The following SHF variants were observed in gnomAD, a reference collection of about 807,000 sequenced individuals.
The protein encoded by SHF is Src homology 2 domain containing F.
SHF carries 30 observed loss-of-function variants against 42.4 expected under a neutral mutation model. The observed-to-expected ratio is 0.71, with a 90% CI of 0.53 to 0.96. The LOEUF (loss-of-function observed/expected upper bound fraction) is 0.96, where lower values mean the gene tolerates loss of function less well. SHF is among the 40% of genes least tolerant of loss of function. The pLI, the probability that SHF is intolerant of heterozygous loss-of-function variation, is 0.00. For missense variants in SHF, 598 were observed against 634.0 expected (o/e 0.94, Z 0.61); for synonymous variants, 264 against 269.9 (o/e 0.98, Z 0.21).
intron 6 of SHF, chr15:45,170,486 GA>G: frequency 2.4e-6 from 3 of 1,248,768 alleles, no homozygotes; most frequent in Non-Finnish European, 1.0e-6. Context: ...ATGACAGCTG[GA>G]AAAAAAGCGA....
upstream of SHF, chr15:45,188,018 GGGGCGGGGCTCCGCC>G (rs1374933936): frequency 2.1e-5 from 7 of 326,250 alleles, no homozygotes; most frequent in Non-Finnish European, 3.1e-5. Flanking sequence ...GGTGGGGAGG[GGGGCGGGGCTCCGCC>G]GGGCGGGGAG....
chr15:45,178,534 C>CTTTTTTT (rs3067019), intron 1 of SHF, among the ~76,000 whole-genome samples: 1 of 126,604 alleles, frequency 7.9e-6, no homozygotes, highest in Non-Finnish European at 1.6e-5. Context: ...TTCCTTCTTT[C>CTTTTTTT]TTTTTTTTTT....
intron 1 of SHF, 25 bp from the exon 2 acceptor site, chr15:45,178,331 G>T (rs1164641877): frequency 6.2e-7 from 1 of 1,604,470 alleles, no homozygotes; most frequent in South Asian, 1.1e-5. Context: ...TGAAGAGAGT[G>T]GGCTTCAGGG....
At chr15:45,172,072 G>A (rs1479959261) in intron 5 of SHF, 70 bp from the exon 6 acceptor site, 46 of 1,613,788 alleles carry the variant, frequency 2.9e-5, no homozygotes, top group Non-Finnish European at 3.8e-5. Context: ...CCCATTGTGG[G>A]TGTCCCCTGT....
rs750863023 is a variant in SHF at position 45,198,804 on chromosome 15, T to C, written c.271A>G (p.Ile91Val). 5 of 1,613,736 alleles carry C rather than the reference T, an allele frequency of 3.1e-6. No individual in the cohort carries two copies. The East Asian group carries it at 6.7e-5, about 22-fold the overall frequency. The change falls in exon 2 of 8, where the codon ATC (isoleucine) becomes GTC (valine). Residue 91 changes from isoleucine to valine, a missense_variant. Coordinates refer to the SHF transcript ENST00000290894. ...GGTTCCAGCCTGTCCCTGAGTCTGA[T>C]AATGCGCAGGCGCGTTGTACTCCGC...
At chr15:45,194,143 A>G (rs1898795636) in intron 2 of SHF, among the ~76,000 whole-genome samples, 1 of 150,806 alleles carries the variant, frequency 6.6e-6, no homozygotes, top group African/African-American at 2.4e-5. Context: ...ATTGCCTGAC[A>G]TAGTTCCCAG....
chr15:45,172,467 G>C lies in SHF; in HGVS notation c.989-149C>G, dbSNP rs140602963. On this transcript the variant is annotated intron_variant, in intron 4 of 6. Coordinates refer to ENST00000690270, the MANE Select transcript of SHF (RefSeq NM_001394037.1). ...GAGGGCAGCCCATGCTGAAGGGCCTGACTGGCTCTGGGGACGTAATCCTGG... is the reference window on the plus strand; with the variant it reads ...GAGGGCAGCCCATGCTGAAGGGCCTCACTGGCTCTGGGGACGTAATCCTGG... 3.1e-5 allele frequency: 29 copies of C among 933,716 alleles called. No individual in the cohort carries two copies. In the East Asian group the frequency reaches 7.8e-4, roughly 25 times the overall value. 57.8% of individuals were successfully genotyped at this position (933,716 alleles called of 1,614,324 possible). A position where few individuals can be genotyped will look rare whatever the true frequency, so the allele number is the denominator to read the frequency against.
chr15:45,191,106 C>G (rs945896899), upstream of SHF, among the ~76,000 whole-genome samples: 1 of 152,108 alleles, frequency 6.6e-6, no homozygotes, highest in Admixed American at 6.5e-5. Flanking sequence ...ACTCTCTTAC[C>G]CAGGCTGGAA....
rs758587603 is a variant in SHF at position 45,175,305 on chromosome 15, C to A, written c.761G>T (p.Arg254Leu). 10 of 1,608,806 alleles carry A rather than the reference C, an allele frequency of 6.2e-6. No homozygotes were observed. In the South Asian group the frequency reaches 1.1e-4, roughly 18 times the overall value. ...GGGCCTCTCATCATCCTCTGGCAGG[C>A]GGGACTCCCGGGGCCAGGGGGCCCC... ...GEGAPWPRESRLPEDDERPPE... is the reference protein window; with the variant it reads ...GEGAPWPRESLLPEDDERPPE... Residue 254 changes from arginine (R) to leucine (L), a missense_variant, in exon 3 of 7, where the codon CGC becomes CTC. Arg to Leu is a moderately radical substitution (Grantham distance 102). Transcript: ENST00000690270.
intron 1 of SHF, among the ~76,000 whole-genome samples, chr15:45,186,893 T>C (rs915135813): frequency 6.6e-6 from 1 of 152,248 alleles, no homozygotes; most frequent in African/African-American, 2.4e-5. Context: ...CAGCTCGTGC[T>C]GTGTCCGCAA....
At chr15:45,173,357 A>G (rs1407197166) in intron 4 of SHF, among the ~76,000 whole-genome samples, 1 of 152,216 alleles carries the variant, frequency 6.6e-6, no homozygotes, top group East Asian at 1.9e-4. Context: ...TTTTTGTAGC[A>G]TGGTGAGGAA....
chr15:45,170,705 G>A (rs1897436944), intron 6 of SHF: 1 of 275,144 alleles, frequency 3.6e-6, no homozygotes, highest in Admixed American at 5.1e-5. Context: ...GGGCTGGAGT[G>A]CAATGGCGCA....
intron 2 of SHF, chr15:45,198,440 A>T (rs1322878712): frequency 3.8e-6 from 1 of 262,698 alleles, no homozygotes; most frequent in Non-Finnish European, 7.3e-6. Context: ...AAGCTGTATC[A>T]GAGCATTACA....
chr15:45,172,342 G>A, intron 4 of SHF, 24 bp from the exon 5 acceptor site: 1 of 1,564,338 alleles, frequency 6.4e-7, no homozygotes, highest in South Asian at 1.2e-5. Context: ...ATCAATCATG[G>A]ACTCTAAGGA....
chr15:45,171,749 T>A, intron 6 of SHF, 134 bp downstream of exon 6: 1 of 924,918 alleles, frequency 1.1e-6, no homozygotes, highest in South Asian at 1.7e-5. Flanking sequence ...GTCTCAGACA[T>A]CTCAGGACCC....
chr15:45,184,388 G>A (rs780862479), intron 1 of SHF, among the ~76,000 whole-genome samples: 4 of 152,188 alleles, frequency 2.6e-5, no homozygotes, highest in Admixed American at 6.5e-5. Context: ...TTTGGGGCCT[G>A]TGAAACCCTA....
chr15:45,175,566 TC>T, intron 2 of SHF, 141 bp from the exon 3 acceptor site: 1 of 801,692 alleles, frequency 1.2e-6, no homozygotes, highest in African/African-American at 1.7e-5. Context: ...CAACCACACA[TC>T]CTGGGTTCCT....
intron 1 of SHF, 44 bp downstream of exon 1, chr15:45,187,410 G>T (rs2032710063): frequency 1.6e-6 from 2 of 1,231,458 alleles, no homozygotes; most frequent in South Asian, 8.2e-5. Context: ...CCAGACCCCT[G>T]ACCGCCTTCC....
intron 2 of SHF, among the ~76,000 whole-genome samples, chr15:45,175,819 CTT>C (rs71114315): frequency 0.85 from 106,729 of 125,906 alleles, 46,405 homozygotes; most frequent in Non-Finnish European, 0.96. Flanking sequence ...TTTTTCTTTT[CTT>C]TTTTTTTTTT....
Sources: gnomAD v4.1 joint callset for allele counts (sites outside exome capture counted in the v4.1 genomes callset) on GRCh38, gnomAD v4.1.1 for gene constraint, MANE v1.5 for transcripts, NCBI Gene and HGNC (gene_info 2026-07-23, HGNC 2026-07-21) for gene names.